The following C5 variants were observed in gnomAD, a reference collection of about 807,000 sequenced individuals.
C5 encodes the protein C3 and PZP-like alpha-2-macroglobulin domain-containing protein 4.
C5 carries 140 observed loss-of-function variants against 218.8 expected under a neutral mutation model. The ratio of observed to expected loss-of-function variants is 0.64; its 90% CI spans 0.56 to 0.74. The LOEUF is 0.74. Ranked by LOEUF, C5 falls within the 30% of genes least tolerant of loss-of-function variation. The probability of loss-of-function intolerance (pLI) is 0.00; values close to 1 mark genes in which losing one functional copy is unlikely to be tolerated. For missense variants in C5, 1,700 were observed against 1,969.6 expected (o/e 0.86, Z 2.59); for synonymous variants, 614 against 682.3 (o/e 0.90, Z 1.56).
chr9:121,065,668 T>G, the C5 span, among the ~76,000 whole-genome samples: 1 of 152,186 alleles, frequency 6.6e-6, no homozygotes, highest in African/African-American at 2.4e-5. Context: ...ATTTTTATTT[T>G]GTAAAGACAG....
chr9:120,993,016 A>T (rs1415763268), intron 22 of C5, among the ~76,000 whole-genome samples: 1 of 152,232 alleles, frequency 6.6e-6, no homozygotes, highest in Non-Finnish European at 1.5e-5. Flanking sequence ...ATGAATAGGC[A>T]ATTGACAGAT....
At chr9:121,043,700 C>CTTTTTTTTTTTTTTTTTTTTT (rs34794535) in intron 2 of C5, among the ~76,000 whole-genome samples, 2 of 120,660 alleles carry the variant, frequency 1.7e-5, no homozygotes, top group Non-Finnish European at 1.7e-5. Flanking sequence ...GTCCAGCTAA[C>CTTTTTTTTTTTTTTTTTTTTT]TTTTTTTTTT....
intron 14 of C5, 128 bp from the exon 15 acceptor site, chr9:121,016,511 A>G (rs889592913): frequency 8.0e-7 from 1 of 1,247,808 alleles, no homozygotes; most frequent in African/African-American, 1.5e-5. Flanking sequence ...TTTTCAAATG[A>G]TCAAAGACAA....
At chr9:121,071,818 A>G in the C5 span, among the ~76,000 whole-genome samples, 3 of 152,046 alleles carry the variant, frequency 2.0e-5, no homozygotes, top group Admixed American at 6.6e-5. Flanking sequence ...ACTGGGTTGC[A>G]AAAAGCTGAG....
intron 39 of C5, chr9:120,956,874 T>C: frequency 3.8e-6 from 1 of 265,352 alleles, no homozygotes; most frequent in Non-Finnish European, 7.3e-6. Context: ...CAGCAGAGCC[T>C]ACTTGAGGGT....
intron 8 of C5, among the ~76,000 whole-genome samples, chr9:121,026,139 A>G (rs1419610284): frequency 6.6e-6 from 1 of 152,222 alleles, no homozygotes; most frequent in Non-Finnish European, 1.5e-5. Flanking sequence ...CTAGCATAGA[A>G]TTTTGCATTT....
chr9:121,013,091 G>T (rs1033714789), intron 17 of C5, among the ~76,000 whole-genome samples: 3 of 152,068 alleles, frequency 2.0e-5, no homozygotes, highest in Non-Finnish European at 4.4e-5. Context: ...AGGCCGAGGT[G>T]GACGGATCAC....
At chr9:121,074,865 G>GA in the C5 span, 3 of 456,190 alleles carry the variant, frequency 6.6e-6, no homozygotes, top group Non-Finnish European at 1.3e-5. Flanking sequence ...AAAGAGGCGG[G>GA]AAACGCCTCC....
intron 21 of C5, among the ~76,000 whole-genome samples, chr9:120,997,131 G>A (rs2047123326): frequency 6.6e-6 from 1 of 151,704 alleles, no homozygotes; most frequent in Non-Finnish European, 1.5e-5. Context: ...TTTATCTCCA[G>A]TTCCTTGCAT....
chr9:121,024,460 A>G (rs1442549114), intron 9 of C5, among the ~76,000 whole-genome samples: 1 of 152,034 alleles, frequency 6.6e-6, no homozygotes, highest in Admixed American at 6.5e-5. Flanking sequence ...TAAGAATAAC[A>G]TTTGAAGCTT....
intron 2 of C5, 92 bp from the exon 3 acceptor site, chr9:121,043,258 A>C: frequency 9.6e-7 from 1 of 1,040,472 alleles, no homozygotes; most frequent in East Asian, 2.6e-5. Flanking sequence ...TCATTAGAAC[A>C]ATCAGTATGT....
rs754955582 is a variant in C5, at chr9:120,982,640, A to C, written c.3390+15T>G. The C allele has an allele frequency of 1.6e-5, 25 of 1,581,042 alleles. No homozygotes were observed. In the South Asian group the frequency reaches 2.8e-4, roughly 18 times the overall value. On this transcript the variant is annotated intron_variant, in intron 26 of 40. Coordinates refer to ENST00000223642, the MANE Select transcript of C5 (RefSeq NM_001735.3). ...AAATAAAACTATTGCTAATTTGTGC[A>C]TTTGGTTTCCTTACCTGTAATTTTA...
intron 25 of C5, among the ~76,000 whole-genome samples, chr9:120,983,448 C>G (rs944474809): frequency 1.3e-5 from 2 of 152,146 alleles, no homozygotes; most frequent in Admixed American, 6.5e-5. Flanking sequence ...CCAGGAGGCT[C>G]CACTCCCCAG....
At chr9:121,029,458 C>T (rs563119683) in intron 7 of C5, among the ~76,000 whole-genome samples, 22 of 152,278 alleles carry the variant, frequency 1.4e-4, no homozygotes, top group Admixed American at 8.5e-4. Flanking sequence ...ACAATATCAA[C>T]GCATAGAGTT....
At chr9:120,976,639 T>G in intron 29 of C5, 61 bp downstream of exon 29, 1 of 1,330,858 alleles carries the variant, frequency 7.5e-7, no homozygotes, top group East Asian at 2.3e-5. Context: ...GCCAGATGAG[T>G]GTGGTGGGGG....
At chr9:120,957,121 A>G (rs2046790989) in intron 39 of C5, 164 bp downstream of exon 39, 3 of 580,596 alleles carry the variant, frequency 5.2e-6, no homozygotes, top group Non-Finnish European at 9.4e-6. Context: ...TATTTATACG[A>G]ACATCTTTAA....
Position 120,962,795 on chromosome 9 carries a change from G to A in C5, c.4399-19C>T. On this transcript the variant is annotated intron_variant, in intron 35 of 40. Transcript: ENST00000223642. ...AGGGAATCTGTTTAACAAATTCAAG[G>A]ATTTAAGGAAATTATGGAGAGATGA... The A allele has an allele frequency of 6.2e-7, 1 of 1,606,254 alleles. No individual in the cohort carries two copies. The highest frequency in any genetic ancestry group is 8.5e-7 in the Non-Finnish European group (1 of 1,172,880).
At chr9:121,004,004 G>A (rs2047194345) in intron 20 of C5, among the ~76,000 whole-genome samples, 1 of 152,088 alleles carries the variant, frequency 6.6e-6, no homozygotes, top group South Asian at 2.1e-4. Flanking sequence ...GAGTAGCTGG[G>A]ACTACAGGCG....
At chr9:121,034,561 A>T (rs1411429722) in intron 5 of C5, among the ~76,000 whole-genome samples, 1 of 152,240 alleles carries the variant, frequency 6.6e-6, no homozygotes, top group African/African-American at 2.4e-5. Context: ...TATGACAAAA[A>T]AACCTGGGTA....
Sources: allele counts gnomAD v4.1 joint callset (sites outside exome capture counted in the v4.1 genomes callset), GRCh38; gene constraint gnomAD v4.1.1; transcripts MANE v1.5; gene names NCBI Gene and HGNC (gene_info 2026-07-23, HGNC 2026-07-21).